IDO1: variants seen among roughly 807,000 people sequenced by gnomAD.
IDO1 encodes indoleamine 2,3-dioxygenase 1.
Under a neutral mutation model 38.8 loss-of-function variants are expected in IDO1, and 35 were observed. The observed-to-expected ratio is 0.90, with a 90% CI of 0.69 to 1.20. The LOEUF is 1.20. Ranked by LOEUF, IDO1 falls within the 50% of genes most tolerant of loss-of-function variation. The probability of loss-of-function intolerance (pLI) is 0.00; values close to 1 mark genes in which losing one functional copy is unlikely to be tolerated. For synonymous variants in IDO1, 171 were observed against 170.0 expected (o/e 1.01, Z -0.05); for missense variants, 509 against 485.1 (o/e 1.05, Z -0.46).
intron 6 of IDO1, 99 bp from the exon 7 acceptor site, chr8:39,923,370 C>T (rs1807304934): frequency 7.1e-6 from 5 of 701,104 alleles, no homozygotes; most frequent in Non-Finnish European, 1.2e-5. Context: ...CGCCACTGCA[C>T]CCCAGCCTGG....
chr8:39,914,597 G>T (rs1807145112), intron 1 of IDO1, among the ~76,000 whole-genome samples: 1 of 151,998 alleles, frequency 6.6e-6, no homozygotes, highest in Admixed American at 6.6e-5. Flanking sequence ...GTGGAAAAAA[G>T]GTTTGCCTTA....
chr8:39,925,313 A>C lies in IDO1; in HGVS notation c.798A>C (p.Gln266His). ...AGTTTGCAGGGGGCAGTGCAGGCCA[A>C]AGCAGCGTCTTTCAGTGCTTTGACG... ...PKEFAGGSAG[Q>H]SSVFQCFDVL... Residue 266 changes from glutamine (Q) to histidine (H), a missense_variant, in exon 9 of 10, where the codon CAA (glutamine) becomes CAC (histidine). By Grantham distance (24) the Gln-to-His change is conservative. Coordinates refer to ENST00000518237, the MANE Select transcript of IDO1 (RefSeq NM_002164.6). The C allele has an allele frequency of 6.2e-7, 1 of 1,613,226 alleles. No homozygotes were observed. Among genetic ancestry groups the C allele is most frequent in the East Asian group, 2.2e-5 (1 of 44,872 alleles).
intron 7 of IDO1, 181 bp downstream of exon 7, chr8:39,923,767 T>C (rs544694847): frequency 4.5e-4 from 194 of 434,834 alleles, no homozygotes; most frequent in Non-Finnish European, 6.4e-4. Flanking sequence ...ATTTTATAAG[T>C]AAAGTCATCT....
rs1180427334 is a variant in IDO1 at position 39,928,535 on chromosome 8, C to T, written c.*350C>T. 1 of 167,204 alleles carries T rather than the reference C, an allele frequency of 6.0e-6. No individual in the cohort carries two copies. Among genetic ancestry groups the T allele is most frequent in the Non-Finnish European group, 1.3e-5 (1 of 77,106 alleles). The allele number at this position is 167,204 out of a possible 1,614,324, so 10.4% of individuals were successfully genotyped here. ...GATCACAAGGTCAGGAGATCGAGAC[C>T]ATCTTGGCTAACACGGTGAAACCCC... On this transcript the variant is annotated 3_prime_UTR_variant, in exon 10 of 10. Coordinates refer to ENST00000518237, the MANE Select transcript of IDO1 (RefSeq NM_002164.6).
chr8:39,918,571 C>T, intron 3 of IDO1: 2 of 482,220 alleles, frequency 4.1e-6, no homozygotes, highest in Non-Finnish European at 7.4e-6. Context: ...CATAGTGAAA[C>T]CCCATCTCTA....
At chr8:39,927,610 G>C (rs1807386644) in intron 9 of IDO1, among the ~76,000 whole-genome samples, 1 of 150,306 alleles carries the variant, frequency 6.7e-6, no homozygotes, top group Non-Finnish European at 1.5e-5. Flanking sequence ...GAGAAAATGA[G>C]TTTAGCTCAT....
In IDO1 at chr8:39,925,135, G is replaced by A. The variant is rs2302843; in HGVS notation, c.708-88G>A. On this transcript the variant is annotated intron_variant, in intron 8 of 9. Transcript: ENST00000518237. ...TGAAATCCATCTCTTGTCACCTTCT[G>A]TTCAGCACTAGTGCAAGATTTGGTA... 20,764 of 1,247,028 alleles carry A rather than the reference G, an allele frequency of 0.017. 1,868 individuals are homozygous for A. The African/African-American group carries it at 0.22, about 13-fold the overall frequency. 77.2% of individuals were successfully genotyped at this position (1,247,028 alleles called of 1,614,324 possible).
intron 9 of IDO1, 73 bp from the exon 10 acceptor site, chr8:39,927,757 C>T (rs1807388468): frequency 2.2e-6 from 2 of 923,214 alleles, no homozygotes; most frequent in South Asian, 4.0e-5. Context: ...CCACTCTGAC[C>T]TCACTCTGCC....
chr8:39,921,414 T>C (rs1051449289), intron 5 of IDO1, among the ~76,000 whole-genome samples: 1 of 151,826 alleles, frequency 6.6e-6, no homozygotes, highest in Non-Finnish European at 1.5e-5. Context: ...GATTGTGCCA[T>C]TGCACTCCAG....
intron 1 of IDO1, among the ~76,000 whole-genome samples, chr8:39,916,981 T>G (rs1318897911): frequency 1.3e-5 from 2 of 152,252 alleles, no homozygotes; most frequent in African/African-American, 4.8e-5. Flanking sequence ...TTTTGAAAGT[T>G]GGAAACTTCA....
chr8:39,928,002 G>T lies in IDO1; in HGVS notation c.1029G>T (p.Arg343Ser). 6.2e-7 allele frequency: 1 copy of T among 1,605,952 alleles called. No individual in the cohort carries two copies. The highest frequency in any genetic ancestry group is 8.5e-7 in the Non-Finnish European group (1 of 1,176,228). ...DACVKALVSL[R>S]SYHLQIVTKY... ...GTGTGAAAGCTCTGGTCTCCCTGAG[G>T]AGCTACCATCTGCAAATCGTGACTA... is the stretch of plus-strand genomic sequence containing the variant. Residue 343 changes from arginine to serine, a missense_variant, in exon 10 of 10, where the codon AGG (arginine) becomes AGT (serine). Physicochemically the swap from Arg to Ser is moderately radical, Grantham distance 110 (BLOSUM62 -1). Coordinates refer to ENST00000518237, the MANE Select transcript of IDO1 (RefSeq NM_002164.6).
rs1807227265 is a variant in IDO1, at chr8:39,918,926, C to A, written c.415C>A (p.Pro139Thr). 1.9e-6 allele frequency: 3 copies of A among 1,548,152 alleles called. No homozygotes were observed. The East Asian group carries it at 6.7e-5, about 35-fold the overall frequency. The change falls in exon 4 of 10, where the codon CCT (proline) becomes ACT (threonine). Residue 139 changes from proline (P) to threonine (T), a missense_variant. Coordinates refer to ENST00000518237, the MANE Select transcript of IDO1 (RefSeq NM_002164.6). ...CVLANWKKKD[P>T]NKPLTYENMD... ...CTTGGCAAACTGGAAGAAAAAGGAT[C>A]CTAATAAGTATGTAAACAGTGATAA... is the stretch of plus-strand genomic sequence containing the variant.
At position 39,923,606 on chromosome 8, in the gene IDO1, C is replaced by T; in HGVS notation, c.655+20C>T. 1 of 1,401,282 alleles carries T rather than the reference C, an allele frequency of 7.1e-7. No homozygotes were observed. The highest frequency in any genetic ancestry group is 1.2e-5 in the South Asian group (1 of 86,170). 86.8% of individuals were successfully genotyped at this position (1,401,282 alleles called of 1,614,324 possible). ...TCCACGGCAAGTGTTGTGTGCAGTG[C>T]AATAGTCTAGGCTGACAAGTCAAAT... On this transcript the variant is annotated intron_variant, in intron 7 of 9. Transcript: ENST00000518237.
chr8:39,923,152 C>T lies in IDO1; in HGVS notation c.538-317C>T, dbSNP rs573408681. Among the ~76,000 whole-genome samples the T allele has an allele frequency of 2.6e-5, 4 of 152,054 alleles. No homozygotes were observed. In the South Asian group the frequency reaches 8.3e-4, roughly 32 times the overall value. ...GGCACAGTGGCTCACACCTGTAATC[C>T]CAGCACTTTGGGAGGCTGAAGTGGG... On this transcript the variant is annotated intron_variant, in intron 6 of 9. Transcript: ENST00000518237.
intron 9 of IDO1, 29 bp from the exon 10 acceptor site, chr8:39,927,801 C>T (rs1042654389): frequency 1.8e-5 from 25 of 1,411,242 alleles, no homozygotes; most frequent in Non-Finnish European, 2.3e-5. Flanking sequence ...CTGTGACCTC[C>T]GTATTTCCTC....
intron 1 of IDO1, among the ~76,000 whole-genome samples, chr8:39,916,863 CA>C (rs1360838913): frequency 2.0e-5 from 3 of 151,794 alleles, no homozygotes; most frequent in Non-Finnish European, 4.4e-5. Context: ...TTGTGCAGAA[CA>C]AAAAAGTATT....
intron 1 of IDO1, among the ~76,000 whole-genome samples, chr8:39,915,042 C>T (rs966451791): frequency 7.9e-5 from 12 of 152,242 alleles, no homozygotes; most frequent in African/African-American, 2.4e-4. Flanking sequence ...GCTAGGATTA[C>T]AGGCGTGAGC....
chr8:39,927,808 C>T, intron 9 of IDO1, 22 bp from the exon 10 acceptor site: 1 of 1,451,450 alleles, frequency 6.9e-7, no homozygotes, highest in Non-Finnish European at 9.2e-7. Flanking sequence ...CTCCGTATTT[C>T]CTCTTTCTCT....
intron 1 of IDO1, 102 bp downstream of exon 1, chr8:39,914,111 T>G: frequency 2.6e-6 from 2 of 759,200 alleles, no homozygotes; most frequent in South Asian, 3.2e-5. Context: ...TAACTTCTAG[T>G]AAACAAACAC....
Sources: allele counts gnomAD v4.1 joint callset (sites outside exome capture counted in the v4.1 genomes callset), GRCh38; gene constraint gnomAD v4.1.1; transcripts MANE v1.5; gene names NCBI Gene and HGNC (gene_info 2026-07-23, HGNC 2026-07-21).